The following PDLIM3 variants were observed in gnomAD, a reference collection of about 807,000 sequenced individuals.
The protein encoded by PDLIM3 is PDZ and LIM domain protein 3.
Under a neutral mutation model 37.3 loss-of-function variants are expected in PDLIM3, and 36 were observed. That is an observed-to-expected ratio of 0.97 (90% CI 0.74 to 1.28). The LOEUF (loss-of-function observed/expected upper bound fraction) is 1.28. PDLIM3 is among the 50% of genes most tolerant of loss of function. PDLIM3 has a pLI of 0.00. For missense variants in PDLIM3, 454 were observed against 485.0 expected (o/e 0.94, Z 0.60); for synonymous variants, 174 against 182.4 (o/e 0.95, Z 0.37).
chr4:185,506,683 C>G, intron 5 of PDLIM3, 31 bp from the exon 6 acceptor site: 3 of 1,599,348 alleles, frequency 1.9e-6, no homozygotes, highest in Non-Finnish European at 2.5e-6. Flanking sequence ...GGAGCATCGT[C>G]AGGTGCTGGG....
Position 185,501,700 on chromosome 4 carries a change from C to T in PDLIM3, c.*594G>A, listed in dbSNP as rs1432053791. 6.5e-6 allele frequency: 1 copy of T among 155,032 alleles called. No homozygotes were observed. The highest frequency in any genetic ancestry group is 1.4e-5 in the Non-Finnish European group (1 of 69,868). 9.6% of individuals were successfully genotyped at this position (155,032 alleles called of 1,614,324 possible). A position where few individuals can be genotyped will look rare whatever the true frequency, so the allele number is the denominator to read the frequency against. On this transcript the variant is annotated 3_prime_UTR_variant, in exon 8 of 8. Coordinates refer to ENST00000284767, the MANE Select transcript of PDLIM3 (RefSeq NM_014476.6). ...ATGTTAAAATATGATTGGGTTCTCT[C>T]ATTGAAATGTTGATTTTATTTGAAT... is the stretch of plus-strand genomic sequence containing the variant.
Position 185,521,770 on chromosome 4 carries a change from A to G in PDLIM3, c.330+1592T>C, listed in dbSNP as rs1256253857. Among the ~76,000 whole-genome samples the G allele has an allele frequency of 3.0e-5, 2 of 65,798 alleles. 1 individual carries two copies. Among genetic ancestry groups the G allele is most frequent in the Non-Finnish European group, 1.3e-4 (2 of 15,952 alleles). 43.2% of individuals were successfully genotyped at this position (65,798 alleles called of 152,430 possible). On this transcript the variant is annotated intron_variant, in intron 3 of 7. Transcript: ENST00000284767. ...ACCATTTTGAGAACTGGCTCCCAGG[A>G]CAGGTCCTGGCAATGTTAGAAAATG...
Position 185,513,059 on chromosome 4 carries a change from G to T in PDLIM3, c.398+1211C>A, listed in dbSNP as rs912779030. Reference sequence around the variant, plus strand: ...TGAGCATTTATTGGGCATTTATTTTGTCTGTTTGTAGATGGTCGCTTATTG... The same window carrying T: ...TGAGCATTTATTGGGCATTTATTTTTTCTGTTTGTAGATGGTCGCTTATTG... On this transcript the variant is annotated intron_variant, in intron 4 of 7. Coordinates refer to ENST00000284767, the MANE Select transcript of PDLIM3 (RefSeq NM_014476.6). 7 of 985,110 alleles carry T rather than the reference G, an allele frequency of 7.1e-6. No individual in the cohort carries two copies. The African/African-American group carries it at 1.2e-4, about 17-fold the overall frequency. 61.0% of individuals were successfully genotyped at this position (985,110 alleles called of 1,614,324 possible).
intron 3 of PDLIM3, among the ~76,000 whole-genome samples, chr4:185,520,357 T>C (rs2095721790): frequency 6.6e-6 from 1 of 152,144 alleles, no homozygotes; most frequent in South Asian, 2.1e-4. Flanking sequence ...CAGTAAGAAT[T>C]AGTCATGACG....
chr4:185,523,917 C>T (rs571239922), intron 2 of PDLIM3, among the ~76,000 whole-genome samples: 2 of 151,616 alleles, frequency 1.3e-5, no homozygotes, highest in African/African-American at 4.8e-5. Flanking sequence ...CACACCCGGC[C>T]GAAGTCGTAC....
chr4:185,515,486 C>T (rs1414007515), intron 3 of PDLIM3: 1 of 152,164 alleles, frequency 6.6e-6, no homozygotes, highest in Non-Finnish European at 1.5e-5. Flanking sequence ...TTTTAGAAAA[C>T]ACAAGTGAGA....
At chr4:185,512,641 A>G (rs1369641066) in intron 4 of PDLIM3, 9 of 980,936 alleles carry the variant, frequency 9.2e-6, no homozygotes, top group Non-Finnish European at 1.1e-5. Flanking sequence ...TAAAGGCAGG[A>G]TATGTGTTAC....
Position 185,535,376 on chromosome 4 carries a change from C to A in PDLIM3, c.59G>T (p.Gly20Val). The change falls in exon 1 of 8, where the codon GGC (glycine) becomes GTC (valine). Residue 20 changes from glycine (G) to valine (V), a missense_variant. Physicochemically the swap from Gly to Val is moderately radical, Grantham distance 109. Transcript: ENST00000284767. ...PAPWGFRLSG[G>V]IDFNQPLVIT... ...GACCAAAGGCTGGTTGAAGTCTATG[C>A]CCCCTGAGAGCCTGAAGCCCCAGGG... 2 of 1,608,256 alleles carry A rather than the reference C, an allele frequency of 1.2e-6. No homozygotes were observed. The highest frequency in any genetic ancestry group is 1.7e-6 in the Non-Finnish European group (2 of 1,177,582).
intron 1 of PDLIM3, among the ~76,000 whole-genome samples, chr4:185,529,319 T>TG (rs1000806291): frequency 7.9e-5 from 12 of 151,990 alleles, no homozygotes; most frequent in Non-Finnish European, 1.8e-4. Flanking sequence ...TTGGATCTGT[T>TG]GGGGAAAAAA....
chr4:185,508,811 GCT>G (rs2095702207), intron 4 of PDLIM3, among the ~76,000 whole-genome samples: 1 of 152,132 alleles, frequency 6.6e-6, no homozygotes, highest in African/African-American at 2.4e-5. Context: ...GCATTTTTTG[GCT>G]CTGTTTCACT....
At chr4:185,505,916 G>C (rs2095696074) in intron 6 of PDLIM3, among the ~76,000 whole-genome samples, 1 of 152,136 alleles carries the variant, frequency 6.6e-6, no homozygotes. Context: ...TATATCTTTT[G>C]GGCATGGAGA....
intron 4 of PDLIM3, chr4:185,512,644 T>C (rs952985126): frequency 2.0e-6 from 2 of 981,978 alleles, no homozygotes; most frequent in African/African-American, 1.7e-5. Flanking sequence ...AGGCAGGATA[T>C]GTGTTACTCT....
In PDLIM3 at chr4:185,502,575, C is replaced by G. The variant is rs561780849; in HGVS notation, c.906-92G>C. 27 of 1,197,810 alleles carry G rather than the reference C, an allele frequency of 2.3e-5. No individual in the cohort carries two copies. The East Asian group carries it at 5.3e-4, about 23-fold the overall frequency. The allele number at this position is 1,197,810 out of a possible 1,614,324, so 74.2% of individuals were successfully genotyped here. ...ACCCAACAGAGAAGGCAGATGTTCT[C>G]TATTTCACAGTCAGGAAACAATGGC... is the stretch of plus-strand genomic sequence containing the variant. On this transcript the variant is annotated intron_variant, in intron 7 of 7. Coordinates refer to ENST00000284767, the MANE Select transcript of PDLIM3 (RefSeq NM_014476.6).
chr4:185,503,564 T>G (rs1364104440), intron 7 of PDLIM3, among the ~76,000 whole-genome samples: 1 of 152,214 alleles, frequency 6.6e-6, no homozygotes, highest in Non-Finnish European at 1.5e-5. Context: ...AATAAGGGAA[T>G]GGGGACGTGG....
chr4:185,528,177 T>C (rs1053448912), intron 1 of PDLIM3, among the ~76,000 whole-genome samples: 7 of 152,272 alleles, frequency 4.6e-5, no homozygotes, highest in African/African-American at 1.4e-4. Context: ...AGTTAAGTTA[T>C]GTAATACTCA....
intron 3 of PDLIM3, chr4:185,516,747 C>T (rs1243869909): frequency 1.3e-5 from 2 of 152,184 alleles, no homozygotes; most frequent in Admixed American, 1.3e-4. Flanking sequence ...CTCCACCCAC[C>T]CCAAATCTCA....
intron 3 of PDLIM3, chr4:185,517,551 T>C (rs2095716840): frequency 6.6e-6 from 1 of 151,968 alleles, no homozygotes; most frequent in South Asian, 2.1e-4. Context: ...CTGAAAATAT[T>C]TGTGCATTAA....
At chr4:185,503,808 T>A (rs2095691749) in intron 7 of PDLIM3, among the ~76,000 whole-genome samples, 1 of 151,822 alleles carries the variant, frequency 6.6e-6, no homozygotes, top group Non-Finnish European at 1.5e-5. Context: ...ATTAGCCAGG[T>A]GTGGTGGTGG....
chr4:185,533,657 A>G (rs1009178744), intron 1 of PDLIM3, among the ~76,000 whole-genome samples: 4 of 152,182 alleles, frequency 2.6e-5, no homozygotes, highest in African/African-American at 9.6e-5. Flanking sequence ...TTTCCCTAAT[A>G]ATAACTGCCA....
Sources: gnomAD v4.1 joint callset for allele counts (sites outside exome capture counted in the v4.1 genomes callset) on GRCh38, gnomAD v4.1.1 for gene constraint, MANE v1.5 for transcripts, NCBI Gene and HGNC (gene_info 2026-07-23, HGNC 2026-07-21) for gene names.